CAMKK1: variants seen among roughly 807,000 people sequenced by gnomAD.
The protein encoded by CAMKK1 is calcium/calmodulin dependent protein kinase kinase 1, also known as calcium/calmodulin-dependent protein kinase kinase 1.
Under a neutral mutation model 63.5 loss-of-function variants are expected in CAMKK1, and 20 were observed. The observed-to-expected ratio is 0.32, with a 90% CI of 0.22 to 0.46. CAMKK1 has a LOEUF of 0.46. Ranked by LOEUF, CAMKK1 falls within the 20% of genes least tolerant of loss-of-function variation. The pLI, the probability that CAMKK1 is intolerant of heterozygous loss-of-function variation, is 1.00. For missense variants in CAMKK1, 588 were observed against 658.1 expected (o/e 0.89, Z 1.17); for synonymous variants, 253 against 269.0 (o/e 0.94, Z 0.58).
intron 9 of CAMKK1, among the ~76,000 whole-genome samples, chr17:3,878,303 G>A (rs1010505860): frequency 1.2e-4 from 19 of 152,152 alleles, no homozygotes; most frequent in Non-Finnish European, 2.6e-4. Flanking sequence ...TCATCCACCT[G>A]TCCAGCCCCT....
At position 3,861,581 on chromosome 17, in the gene CAMKK1, G is replaced by A. The variant is rs139160630; in HGVS notation, c.*630C>T. The A allele has an allele frequency of 1.2e-3, 178 of 153,452 alleles. 1 individual carries two copies. Among genetic ancestry groups the A allele is most frequent in the Non-Finnish European group, 1.8e-3 (126 of 68,766 alleles). The allele number at this position is 153,452 out of a possible 1,614,324, so 9.5% of individuals were successfully genotyped here. On this transcript the variant is annotated 3_prime_UTR_variant, in exon 16 of 16. Transcript: ENST00000348335. ...AACCACGGAAGATGTAGGAAAGCTC[G>A]TGAGATGTTCCCAAGCAGGGCCTCT...
Position 3,866,382 on chromosome 17 carries a change from G to A in CAMKK1, c.1342-371C>T, listed in dbSNP as rs576920018. Among the ~76,000 whole-genome samples the A allele has an allele frequency of 9.2e-5, 14 of 152,376 alleles. No individual in the cohort carries two copies. In the East Asian group the frequency reaches 1.2e-3, roughly 13 times the overall value. On this transcript the variant is annotated intron_variant, in intron 14 of 15. Coordinates refer to ENST00000348335, the MANE Select transcript of CAMKK1 (RefSeq NM_032294.3). Reference sequence around the variant, plus strand: ...GTGCCATCCTTCCCGCCTTCCGGCCGCCGAGAAGATGCCAAGATGCTACTG... The same window carrying A: ...GTGCCATCCTTCCCGCCTTCCGGCCACCGAGAAGATGCCAAGATGCTACTG...
At position 3,882,025 on chromosome 17, in the gene CAMKK1, A is replaced by G. The variant is rs1362988101; in HGVS notation, c.686-377T>C. On this transcript the variant is annotated intron_variant, in intron 7 of 15. Coordinates refer to ENST00000348335, the MANE Select transcript of CAMKK1 (RefSeq NM_032294.3). This position sits in a 1 kb window ranked among gnomAD's most constrained non-coding sequence, Gnocchi z 4.3. The stretch of plus-strand genomic sequence containing the variant: ...CCTAAGCCAGTTCTTCTTCTGCCCC[A>G]TTTTCTGAGGCCTCCTCTAAGCCCA... 1.5e-5 allele frequency: 8 copies of G among 527,038 alleles called. No individual in the cohort carries two copies. Among genetic ancestry groups the G allele is most frequent in the Non-Finnish European group, 2.7e-5 (8 of 299,448 alleles). 32.6% of individuals were successfully genotyped at this position (527,038 alleles called of 1,614,324 possible). A position where few individuals can be genotyped will look rare whatever the true frequency, so the allele number is the denominator to read the frequency against.
chr17:3,884,194 G>A lies in CAMKK1; in HGVS notation c.408+186C>T, dbSNP rs2055541358. ...CACTGTCAAGAACTCAGAGAGTCGG[G>A]AATCAGGAGCCATCTTCCACCCTCC... is the stretch of plus-strand genomic sequence containing the variant. On this transcript the variant is annotated intron_variant, in intron 3 of 15. Coordinates refer to ENST00000348335, the MANE Select transcript of CAMKK1 (RefSeq NM_032294.3). This position sits in a 1 kb window ranked among gnomAD's most constrained non-coding sequence, Gnocchi z 4.5. Among the ~76,000 whole-genome samples the A allele has an allele frequency of 1.3e-5, 2 of 152,112 alleles. No homozygotes were observed. Among genetic ancestry groups the A allele is most frequent in the South Asian group, 2.1e-4 (1 of 4,828 alleles).
chr17:3,888,466 G>C (rs1355700893), intron 1 of CAMKK1, among the ~76,000 whole-genome samples: 1 of 152,250 alleles, frequency 6.6e-6, no homozygotes, highest in Admixed American at 6.5e-5. Context: ...GAGCCCGTGA[G>C]CAGGTGGCTT....
In CAMKK1 at chr17:3,890,663, C is replaced by T. The variant is rs1013148243; in HGVS notation, c.-44+2276G>A. ...TGTCACTCGTCCTTTCCCTGTTGCC[C>T]ACCCTTGCTCCCCACAACCCCACAC... On this transcript the variant is annotated intron_variant, in intron 1 of 15. Transcript: ENST00000348335. The surrounding 1 kb of genome is among the most constrained non-coding windows in gnomAD (Gnocchi z 6.5). 2 of 779,624 alleles carry T rather than the reference C, an allele frequency of 2.6e-6. No homozygotes were observed. The highest frequency in any genetic ancestry group is 2.4e-6 in the Non-Finnish European group (1 of 417,952). 48.3% of individuals were successfully genotyped at this position (779,624 alleles called of 1,614,324 possible).
At chr17:3,876,827 G>C (rs1289564132) in intron 9 of CAMKK1, among the ~76,000 whole-genome samples, 1 of 147,588 alleles carries the variant, frequency 6.8e-6, no homozygotes, top group Non-Finnish European at 1.5e-5. Flanking sequence ...GCGTGATCTC[G>C]GCTCACTGCA....
chr17:3,866,677 AG>A (rs990789254), intron 14 of CAMKK1, among the ~76,000 whole-genome samples: 1 of 151,496 alleles, frequency 6.6e-6, no homozygotes, highest in African/African-American at 2.4e-5. Flanking sequence ...CCACTACTCT[AG>A]GCCCTGGGGC....
At chr17:3,866,658 G>A (rs748669331) in intron 14 of CAMKK1, among the ~76,000 whole-genome samples, 5 of 152,060 alleles carry the variant, frequency 3.3e-5, no homozygotes, top group African/African-American at 4.8e-5. Context: ...GCTGCCTACT[G>A]GGTGCTGGCC....
Position 3,884,554 on chromosome 17 carries a change from GCTTT to G in CAMKK1, c.361-131_361-128del. 3 of 812,146 alleles carry G rather than the reference GCTTT, an allele frequency of 3.7e-6. No homozygotes were observed. Among genetic ancestry groups the G allele is most frequent in the Non-Finnish European group, 5.7e-6 (3 of 525,404 alleles). The allele number at this position is 812,146 out of a possible 1,614,324, so 50.3% of individuals were successfully genotyped here. A position where few individuals can be genotyped will look rare whatever the true frequency, so the allele number is the denominator to read the frequency against. The stretch of plus-strand genomic sequence containing the variant: ...TTCCCGGACCCCCAGGTCTCACCAA[GCTTT>G]TGAGTTTGGATGGGGAAGTTGGTGG... On this transcript the variant is annotated intron_variant, in intron 2 of 15. Coordinates refer to ENST00000348335, the MANE Select transcript of CAMKK1 (RefSeq NM_032294.3). The surrounding 1 kb of genome is among the most constrained non-coding windows in gnomAD (Gnocchi z 4.5).
At position 3,882,998 on chromosome 17, in the gene CAMKK1, G is replaced by A; in HGVS notation, c.648+44C>T. The stretch of plus-strand genomic sequence containing the variant: ...CCCCAGCACCAGAAGCGGCTCCCAT[G>A]AGACTCAGGTGCTGGTTCCCACCTG... On this transcript the variant is annotated intron_variant, in intron 6 of 15. Transcript: ENST00000348335. This position sits in a 1 kb window ranked among gnomAD's most constrained non-coding sequence, Gnocchi z 4.3. 6.2e-7 allele frequency: 1 copy of A among 1,606,338 alleles called. No homozygotes were observed. The highest frequency in any genetic ancestry group is 8.5e-7 in the Non-Finnish European group (1 of 1,175,126).
intron 11 of CAMKK1, among the ~76,000 whole-genome samples, 168 bp downstream of exon 11, chr17:3,873,241 C>T (rs1456141912): frequency 6.6e-6 from 1 of 152,154 alleles, no homozygotes; most frequent in East Asian, 1.9e-4. Context: ...AGAATCGCTC[C>T]GCAGGGGACC....
Position 3,890,383 on chromosome 17 carries a change from G to A in CAMKK1, c.-44+2556C>T, listed in dbSNP as rs1308815099. ...CAGCGCATCGTCCTGGCCCACCCAC[G>A]GAGGCTGATGGTCTCCAGGCCTCAT... On this transcript the variant is annotated intron_variant, in intron 1 of 15. Transcript: ENST00000348335. This position sits in a 1 kb window ranked among gnomAD's most constrained non-coding sequence, Gnocchi z 6.5. 2.6e-5 allele frequency among the ~76,000 whole-genome samples: 4 copies of A among 152,006 alleles called. No individual in the cohort carries two copies. Among genetic ancestry groups the A allele is most frequent in the Non-Finnish European group, 2.9e-5 (2 of 68,002 alleles).
At chr17:3,876,869 T>C (rs2055187439) in intron 9 of CAMKK1, among the ~76,000 whole-genome samples, 1 of 150,554 alleles carries the variant, frequency 6.6e-6, no homozygotes, top group Non-Finnish European at 1.5e-5. Flanking sequence ...GAGATTCTCC[T>C]GCCTCAGCCT....
At chr17:3,888,525 G>A (rs930069842) in intron 1 of CAMKK1, among the ~76,000 whole-genome samples, 1 of 152,212 alleles carries the variant, frequency 6.6e-6, no homozygotes, top group Non-Finnish European at 1.5e-5. Flanking sequence ...GGTTCTAGCG[G>A]GCCTCACCTC....
chr17:3,873,759 C>T (rs942149630), intron 10 of CAMKK1, among the ~76,000 whole-genome samples: 2 of 152,118 alleles, frequency 1.3e-5, no homozygotes, highest in South Asian at 2.1e-4. Flanking sequence ...GAGGGTCACA[C>T]GGGCCGCTCC....
Position 3,882,524 on chromosome 17 carries a change from T to G in CAMKK1, c.685+4A>C, listed in dbSNP as rs2055456125. 1 of 1,595,314 alleles carries G rather than the reference T, an allele frequency of 6.3e-7. No individual in the cohort carries two copies. ...CTGCTGTGGGAATGAGCCAGGTCAC[T>G]CACCCAAATAGAGGTTGTCCTCAGC... On this transcript the variant is annotated splice_donor_region_variant and intron_variant, in intron 7 of 15. Transcript: ENST00000348335. This position sits in a 1 kb window ranked among gnomAD's most constrained non-coding sequence, Gnocchi z 4.3.
At chr17:3,888,609 G>C (rs576561587) in intron 1 of CAMKK1, among the ~76,000 whole-genome samples, 40 of 152,376 alleles carry the variant, frequency 2.6e-4, no homozygotes, top group African/African-American at 9.1e-4. Context: ...TAAGGAGGCC[G>C]TAAAAGTGAG....
chr17:3,865,939 G>A lies in CAMKK1; in HGVS notation c.1414C>T (p.Arg472Ter). 2 of 1,614,180 alleles carry A rather than the reference G, an allele frequency of 1.2e-6. No individual in the cohort carries two copies. The highest frequency in any genetic ancestry group is 2.2e-5 in the East Asian group (1 of 44,890). ...PFEPQARREE[R>*]SMSAPGNLLV... The stretch of plus-strand genomic sequence containing the variant: ...AGGTTTCCTGGAGCAGACATGGATC[G>A]CTCTTCCCTCCGTGCTTGGGGCTCA... Residue 472 changes from arginine to a stop codon, truncating the protein, a stop_gained, in exon 15 of 16, where the codon CGA becomes TGA. Coordinates refer to ENST00000348335, the MANE Select transcript of CAMKK1 (RefSeq NM_032294.3). LOFTEE classifies it high-confidence loss of function.
Sources: allele counts gnomAD v4.1 joint callset (sites outside exome capture counted in the v4.1 genomes callset), GRCh38; gene constraint gnomAD v4.1.1; non-coding constraint Gnocchi (gnomAD v3.1); transcripts MANE v1.5; gene names NCBI Gene and HGNC (gene_info 2026-07-23, HGNC 2026-07-21).